The following DYM variants were observed in gnomAD, a reference collection of about 807,000 sequenced individuals.
DYM encodes the protein dymeclin.
A neutral mutation model predicts 93.1 loss-of-function variants in DYM; 78 were observed. The ratio of observed to expected loss-of-function variants is 0.84; its 90% confidence interval spans 0.70 to 1.01. The LOEUF (loss-of-function observed/expected upper bound fraction) is 1.01, where lower values mean the gene tolerates loss of function less well. Ranked by LOEUF, DYM falls within the 50% of genes least tolerant of loss-of-function variation. DYM has a pLI of 0.00. For synonymous variants in DYM, 321 were observed against 319.7 expected (o/e 1.00, Z -0.04); for missense variants, 789 against 845.0 (o/e 0.93, Z 0.82).
chr18:49,387,074 CT>C (rs2068702290), intron 3 of DYM, among the ~76,000 whole-genome samples: 1 of 151,624 alleles, frequency 6.6e-6, no homozygotes, highest in Non-Finnish European at 1.5e-5. Flanking sequence ...TCCTGAGTAG[CT>C]ACTCAGGAGT....
At chr18:49,224,359 T>C (rs1168905935) in intron 13 of DYM, among the ~76,000 whole-genome samples, 1 of 152,040 alleles carries the variant, frequency 6.6e-6, no homozygotes, top group Non-Finnish European at 1.5e-5. Context: ...AGGATAGGGC[T>C]AGCTAAATGT....
chr18:49,280,825 G>A (rs912153140), intron 10 of DYM, among the ~76,000 whole-genome samples: 8 of 152,200 alleles, frequency 5.3e-5, no homozygotes, highest in Non-Finnish European at 1.2e-4. Context: ...CACATGGAAT[G>A]TTAGACCTAA....
At chr18:49,434,654 AC>A (rs1440792364) in intron 1 of DYM, among the ~76,000 whole-genome samples, 1 of 151,954 alleles carries the variant, frequency 6.6e-6, no homozygotes, top group Non-Finnish European at 1.5e-5. Context: ...ACATCCATAT[AC>A]TACTTTGATT....
intron 8 of DYM, among the ~76,000 whole-genome samples, chr18:49,300,467 G>C (rs1232589207): frequency 6.6e-6 from 1 of 151,948 alleles, no homozygotes; most frequent in Admixed American, 6.6e-5. Flanking sequence ...AGGCATGGTG[G>C]CGCATGCCTG....
rs768254646 is a variant in DYM at position 49,214,459 on chromosome 18, GA to G, written c.1461-4745del. On this transcript the variant is annotated intron_variant, in intron 13 of 17. Coordinates refer to ENST00000675505, the MANE Select transcript of DYM (RefSeq NM_001353214.3). Reference sequence around the variant, plus strand: ...ATCCCCTGTTCTGCCCCTGTCCGTGGAAAAACTGACTTCCACAAAACTGGTC... The same window carrying G: ...ATCCCCTGTTCTGCCCCTGTCCGTGGAAAACTGACTTCCACAAAACTGGTC... Among the ~76,000 whole-genome samples the G allele has an allele frequency of 4.2e-4, 64 of 151,960 alleles. 1 individual carries two copies. The highest frequency in any genetic ancestry group is 9.2e-4 in the Admixed American group (14 of 15,256).
chr18:49,280,809 T>C (rs1158962676), intron 10 of DYM, among the ~76,000 whole-genome samples: 1 of 152,078 alleles, frequency 6.6e-6, no homozygotes, highest in African/African-American at 2.4e-5. Flanking sequence ...TATTATAAAA[T>C]ACAAACACAT....
intron 8 of DYM, among the ~76,000 whole-genome samples, chr18:49,292,235 A>C (rs146109747): frequency 4.6e-5 from 7 of 151,958 alleles, no homozygotes; most frequent in African/African-American, 1.7e-4. Flanking sequence ...AGCTGCTTCT[A>C]ATGTCAGATA....
At chr18:49,197,102 T>G (rs1000818641) in intron 14 of DYM, among the ~76,000 whole-genome samples, 3 of 152,152 alleles carry the variant, frequency 2.0e-5, no homozygotes, top group African/African-American at 7.2e-5. Context: ...GGAGAAAGCT[T>G]AAGAGTTCTC....
chr18:49,384,626 A>AG (rs1418090514), intron 3 of DYM, among the ~76,000 whole-genome samples: 1 of 149,840 alleles, frequency 6.7e-6, no homozygotes, highest in Non-Finnish European at 1.5e-5. Context: ...CTCCATCTCA[A>AG]AAAAAAAAAA....
intron 13 of DYM, among the ~76,000 whole-genome samples, chr18:49,210,257 C>A (rs775585621): frequency 6.6e-6 from 1 of 152,202 alleles, no homozygotes; most frequent in Non-Finnish European, 1.5e-5. Flanking sequence ...AATCTGCACA[C>A]AGGTGTTTAT....
intron 6 of DYM, among the ~76,000 whole-genome samples, chr18:49,338,784 T>C (rs1034419456): frequency 1.6e-4 from 24 of 152,112 alleles, no homozygotes; most frequent in African/African-American, 5.8e-4. Context: ...TAGATGTGAA[T>C]AAAACTAAAG....
At chr18:49,195,012 A>G (rs2091315342) in intron 14 of DYM, among the ~76,000 whole-genome samples, 1 of 152,070 alleles carries the variant, frequency 6.6e-6, no homozygotes, top group Non-Finnish European at 1.5e-5. Flanking sequence ...AATTTTTCCA[A>G]TTTTGTGTTT....
chr18:49,242,937 TGATCCA>T (rs1434750910), intron 13 of DYM, among the ~76,000 whole-genome samples: 1 of 152,138 alleles, frequency 6.6e-6, no homozygotes, highest in Non-Finnish European at 1.5e-5. Flanking sequence ...CCTGACCTCG[TGATCCA>T]CCCGTCTCGG....
intron 13 of DYM, among the ~76,000 whole-genome samples, chr18:49,245,138 C>A (rs773692317): frequency 5.3e-5 from 8 of 152,140 alleles, no homozygotes; most frequent in Non-Finnish European, 8.8e-5. Flanking sequence ...TTTCTTATGC[C>A]TGTCTTACTT....
At chr18:49,276,642 A>G (rs1004110462) in intron 10 of DYM, among the ~76,000 whole-genome samples, 2 of 152,308 alleles carry the variant, frequency 1.3e-5, no homozygotes, top group East Asian at 3.9e-4. Flanking sequence ...AAAGAATAAA[A>G]AGAACATAAT....
chr18:49,360,894 G>A (rs1239968504), intron 6 of DYM, among the ~76,000 whole-genome samples: 3 of 152,210 alleles, frequency 2.0e-5, no homozygotes, highest in Non-Finnish European at 2.9e-5. Flanking sequence ...CAGGACACTA[G>A]TCTTTGCATG....
intron 13 of DYM, among the ~76,000 whole-genome samples, chr18:49,241,543 A>G (rs549639585): frequency 6.6e-6 from 1 of 152,348 alleles, no homozygotes; most frequent in Non-Finnish European, 1.5e-5. Flanking sequence ...CTAAGGACCA[A>G]AACTATGGCT....
At chr18:49,283,020 A>AT (rs2095029449) in intron 9 of DYM, among the ~76,000 whole-genome samples, 1 of 152,216 alleles carries the variant, frequency 6.6e-6, no homozygotes, top group South Asian at 2.1e-4. Context: ...TAAATTAATC[A>AT]TAAGTTGAAA....
At chr18:49,093,019 G>C (rs1223888198) in intron 17 of DYM, among the ~76,000 whole-genome samples, 1 of 152,210 alleles carries the variant, frequency 6.6e-6, no homozygotes, top group East Asian at 1.9e-4. Context: ...TGAGAAGAAG[G>C]AGAGAAATAG....
Sources: allele counts gnomAD v4.1 joint callset (sites outside exome capture counted in the v4.1 genomes callset), GRCh38; gene constraint gnomAD v4.1.1; transcripts MANE v1.5; gene names NCBI Gene and HGNC (gene_info 2026-07-23, HGNC 2026-07-21).